The following TTN variants were observed in gnomAD, a reference collection of about 807,000 sequenced individuals.
The protein encoded by TTN is titin.
TTN carries 1,525 observed loss-of-function variants against 3,223.0 expected under a neutral mutation model. The observed-to-expected ratio is 0.47, with a 90% CI of 0.45 to 0.49. The LOEUF (loss-of-function observed/expected upper bound fraction) is 0.49. Ranked by LOEUF, TTN falls within the 20% of genes least tolerant of loss-of-function variation. TTN has a pLI of 0.00. For missense variants in TTN, 40,786 were observed against 43,424.0 expected, an observed-to-expected ratio of 0.94 and a Z score of 5.40; for synonymous variants, 14,094 against 15,161.0, an observed-to-expected ratio of 0.93 and a Z score of 5.17.
At chr2:178,768,465 G>T (rs2090918499) in intron 38 of TTN, among the ~76,000 whole-genome samples, 1 of 152,182 alleles carries the variant, frequency 6.6e-6, no homozygotes, top group Admixed American at 6.5e-5. Context: ...TGTGGTCTTT[G>T]TATGGTCTCT....
chr2:178,614,006 T>G (rs758081361), intron 262 of TTN, 46 bp downstream of exon 262: 3 of 1,609,378 alleles, frequency 1.9e-6, no homozygotes, highest in Admixed American at 1.7e-5. Flanking sequence ...AATGCAAGTT[T>G]GACATAAGCA....
In TTN at chr2:178,722,883, G is replaced by A. The variant is rs72648966; in HGVS notation, c.22016C>T (p.Ser7339Leu). The part of the protein sequence containing the change: ...LEPLEAAVGD[S>L]VSLQCQVAGT... The stretch of plus-strand genomic sequence containing the variant: ...AGCAACTTGGCATTGTAAAGAAACC[G>A]AATCTCCAACTGCTGCCTCCAGAGG... The change falls in exon 76 of 363, where the codon TCG (serine) becomes TTG (leucine). Residue 7339 changes from serine (S) to leucine (L), a missense_variant. Physicochemically the swap from Ser to Leu is moderately radical, Grantham distance 145 (BLOSUM62 -2). Coordinates refer to ENST00000589042, the MANE Select transcript of TTN (RefSeq NM_001267550.2). 16 of 1,612,750 alleles carry A rather than the reference G, an allele frequency of 9.9e-6. No homozygotes were observed. Among genetic ancestry groups the A allele is most frequent in the Middle Eastern group, 1.6e-4 (1 of 6,074 alleles).
rs1415326228 is a variant in TTN at position 178,766,547 on chromosome 2, C to G, written c.9537G>C (p.Trp3179Cys). 4 of 1,613,932 alleles carry G rather than the reference C, an allele frequency of 2.5e-6. No homozygotes were observed. The highest frequency in any genetic ancestry group is 2.2e-5 in the East Asian group (1 of 44,872). ...AATTGATTTCAATGCCATCTTTATA[C>G]CAGTGGGCATCAACATCGTCTTCAT... ...EVNEDDVDAH[W>C]YKDGIEINFQ... is the part of the protein sequence containing the mutation. The change falls in exon 41 of 363, where the codon TGG (tryptophan) becomes TGC (cysteine). Residue 3179 changes from tryptophan (W) to cysteine (C), a missense_variant. Coordinates refer to ENST00000589042, the MANE Select transcript of TTN (RefSeq NM_001267550.2).
chr2:178,599,694 G>T lies in TTN; in HGVS notation c.56207C>A (p.Thr18736Asn), dbSNP rs1455791430. ...PDNKEPVLYD[T>N]HVNKLVVDDT... Reference sequence around the variant, plus strand: ...ATCTACCACCAGTTTGTTGACATGGGTGTCATAGAGAACAGGTTCTTTGTT... The same window carrying T: ...ATCTACCACCAGTTTGTTGACATGGTTGTCATAGAGAACAGGTTCTTTGTT... The change falls in exon 289 of 363, where the codon ACC becomes AAC. Residue 18736 changes from threonine (T) to asparagine (N), a missense_variant. Transcript: ENST00000589042. 16 of 1,613,060 alleles carry T rather than the reference G, an allele frequency of 9.9e-6. No homozygotes were observed. The highest frequency in any genetic ancestry group is 1.3e-5 in the African/African-American group (1 of 74,978).
intron 47 of TTN, chr2:178,745,829 T>C (rs751372318): frequency 6.2e-7 from 1 of 1,613,216 alleles, no homozygotes; most frequent in Non-Finnish European, 8.5e-7. Flanking sequence ...TATTGGTGCA[T>C]AACAGTCAGA....
rs727503640 is a variant in TTN, at chr2:178,706,636, G to A, written c.29238C>T (p.Phe9746=). The change falls in exon 102 of 363, where the codon TTC becomes TTT. Residue 9746 remains phenylalanine (F), a synonymous_variant. Coordinates refer to ENST00000589042, the MANE Select transcript of TTN (RefSeq NM_001267550.2). The part of the protein sequence containing the change: ...WRQLNQGGRV[F]IHQKGDEAKL... The stretch of plus-strand genomic sequence containing the variant: ...TTGCTTCATCGCCTTTTTGGTGGAT[G>A]AAAACACGACCTCCTTGGTTCAGCT... 4.3e-6 allele frequency: 7 copies of A among 1,613,900 alleles called. No homozygotes were observed. Among genetic ancestry groups the A allele is most frequent in the Non-Finnish European group, 5.9e-6 (7 of 1,179,838 alleles).
In TTN at chr2:178,704,127, C is replaced by T; in HGVS notation, c.30223+20G>A. The T allele has an allele frequency of 6.2e-7, 1 of 1,611,488 alleles. No homozygotes were observed. Among genetic ancestry groups the T allele is most frequent in the East Asian group, 2.2e-5 (1 of 44,880 alleles). On this transcript the variant is annotated intron_variant, in intron 106 of 362. Coordinates refer to ENST00000589042, the MANE Select transcript of TTN (RefSeq NM_001267550.2). ...TTGACCTATGCTGTACCCACAAGGA[C>T]TCCATAGTGTTTCACGCACCTTCGA... is the stretch of plus-strand genomic sequence containing the variant.
intron 19 of TTN, 31 bp from the exon 20 acceptor site, chr2:178,782,458 C>T: frequency 6.2e-7 from 1 of 1,613,898 alleles, no homozygotes; most frequent in Non-Finnish European, 8.5e-7. Flanking sequence ...ATATTAGCTT[C>T]CGGGTTGCAA....
chr2:178,591,260 A>T lies in TTN; in HGVS notation c.60465T>A (p.Asn20155Lys). Reference protein sequence around the residue: ...DTGEYQITVSNAAGSKTVAVH... With the variant: ...DTGEYQITVSKAAGSKTVAVH... ...CGGCTACTGTTTTGCTACCGGCTGC[A>T]TTGGAAACTGTGATTTGATATTCCC... Residue 20155 changes from asparagine (N) to lysine (K), a missense_variant, in exon 304 of 363, where the codon AAT becomes AAA. Coordinates refer to ENST00000589042, the MANE Select transcript of TTN (RefSeq NM_001267550.2). The T allele has an allele frequency of 1.2e-6, 2 of 1,613,326 alleles. No homozygotes were observed. Among genetic ancestry groups the T allele is most frequent in the Non-Finnish European group, 1.7e-6 (2 of 1,179,514 alleles).
intron 250 of TTN, chr2:178,619,062 G>C: frequency 1.6e-6 from 1 of 643,228 alleles, no homozygotes. Flanking sequence ...GTAGAGGATT[G>C]AGAATGGCAT....
chr2:178,651,853 G>A (rs72650063), intron 205 of TTN, 31 bp downstream of exon 205: 3 of 1,599,274 alleles, frequency 1.9e-6, no homozygotes, highest in Admixed American at 3.5e-5. Flanking sequence ...AAGAGTGGCC[G>A]AGGTGTCCTA....
At chr2:178,736,862 A>C (rs1449612012) in intron 49 of TTN, among the ~76,000 whole-genome samples, 2 of 152,180 alleles carry the variant, frequency 1.3e-5, no homozygotes, top group Non-Finnish European at 2.9e-5. Flanking sequence ...GGTTTTTCTT[A>C]GGATCACGTA....
At chr2:178,664,966 GA>G in intron 165 of TTN, 40 bp from the exon 166 acceptor site, 8 of 1,566,608 alleles carry the variant, frequency 5.1e-6, no homozygotes, top group Non-Finnish European at 6.9e-6. Flanking sequence ...GAGTTAAAAT[GA>G]TTAATGGAAA....
chr2:178,672,173 C>T lies in TTN; in HGVS notation c.35025G>A (p.Val11675=), dbSNP rs1047010138. ...RLELEVVEAE[V]EEIPEEEEFH... ...ACTCTTCTTCTTCCGGAATTTCTTCCACTTCTGCTTCTACTACTTCTAATT... is the reference window on the plus strand; with the variant it reads ...ACTCTTCTTCTTCCGGAATTTCTTCTACTTCTGCTTCTACTACTTCTAATT... Residue 11675 remains valine, a synonymous_variant, in exon 155 of 363, where the codon GTG becomes GTA. Coordinates refer to ENST00000589042, the MANE Select transcript of TTN (RefSeq NM_001267550.2). 5 of 1,586,286 alleles carry T rather than the reference C, an allele frequency of 3.2e-6. No individual in the cohort carries two copies. Among genetic ancestry groups the T allele is most frequent in the Non-Finnish European group, 4.3e-6 (5 of 1,164,434 alleles).
chr2:178,571,869 G>T lies in TTN; in HGVS notation c.74263C>A (p.Pro24755Thr). The change falls in exon 326 of 363, where the codon CCA (proline) becomes ACA (threonine). Residue 24755 changes from proline (P) to threonine (T), a missense_variant. Physicochemically the swap from Pro to Thr is conservative, Grantham distance 38. Coordinates refer to ENST00000589042, the MANE Select transcript of TTN (RefSeq NM_001267550.2). ...TTTACTCTAGTTGTCTGCTTCAGTG[G>T]TACATTATCTTTATGCCAGGTTACA... ...PAVTWHKDNV[P>T]LKQTTRVNAE... 3 of 1,613,484 alleles carry T rather than the reference G, an allele frequency of 1.9e-6. No individual in the cohort carries two copies. The highest frequency in any genetic ancestry group is 2.5e-6 in the Non-Finnish European group (3 of 1,179,602).
chr2:178,777,611 A>T (rs1318488653), intron 25 of TTN, 27 bp from the exon 26 acceptor site: 1 of 1,613,512 alleles, frequency 6.2e-7, no homozygotes, highest in East Asian at 2.2e-5. Context: ...AAAAGAAAGT[A>T]GATTTTAAAA....
In TTN at chr2:178,728,361, G is replaced by T. The variant is rs2079735151; in HGVS notation, c.19463C>A (p.Thr6488Asn). The change falls in exon 67 of 363, where the codon ACC becomes AAC. Residue 6488 changes from threonine to asparagine, a missense_variant. Physicochemically the swap from Thr to Asn is moderately conservative, Grantham distance 65. Transcript: ENST00000589042. Reference sequence around the variant, plus strand: ...AGAGCCCAGAACTTTATCCATTTTGGTTAATTTTTTGGTGAATGATGGAGG... The same window carrying T: ...AGAGCCCAGAACTTTATCCATTTTGTTTAATTTTTTGGTGAATGATGGAGG... ...NIPPSFTKKLTKMDKVLGSSI... is the reference protein window; with the variant it reads ...NIPPSFTKKLNKMDKVLGSSI... The T allele has an allele frequency of 6.2e-7, 1 of 1,604,218 alleles. No homozygotes were observed. Among genetic ancestry groups the T allele is most frequent in the Non-Finnish European group, 8.5e-7 (1 of 1,176,146 alleles).
Position 178,804,584 on chromosome 2 carries a change from C to T in TTN, c.59G>A (p.Gly20Asp). ...GTGAGCCTCAAAGGTTGCGGTACTA[C>T]CCTCCAGTACCACAACGCTTTGTAA... Reference protein sequence around the residue: ...QPLQSVVVLEGSTATFEAHIS... With the variant: ...QPLQSVVVLEDSTATFEAHIS... The change falls in exon 2 of 363, where the codon GGT (glycine) becomes GAT (aspartate). Residue 20 changes from glycine to aspartate, a missense_variant. Coordinates refer to ENST00000589042, the MANE Select transcript of TTN (RefSeq NM_001267550.2). 6.2e-7 allele frequency: 1 copy of T among 1,613,972 alleles called. No homozygotes were observed. Among genetic ancestry groups the T allele is most frequent in the Middle Eastern group, 1.7e-4 (1 of 6,058 alleles).
intron 4 of TTN, 76 bp from the exon 5 acceptor site, chr2:178,799,986 T>A: frequency 6.7e-7 from 1 of 1,498,556 alleles, no homozygotes; most frequent in Admixed American, 1.8e-5. Context: ...TAATTCTGAC[T>A]ACAAAGTCAA....
Sources: gnomAD v4.1 joint callset for allele counts (sites outside exome capture counted in the v4.1 genomes callset) on GRCh38, gnomAD v4.1.1 for gene constraint, MANE v1.5 for transcripts, NCBI Gene and HGNC (gene_info 2026-07-23, HGNC 2026-07-21) for gene names.